GABRG1: variants seen among roughly 807,000 people sequenced by gnomAD.
The protein encoded by GABRG1 is gamma-aminobutyric acid type A receptor subunit gamma1.
A neutral mutation model predicts 49.8 loss-of-function variants in GABRG1; 49 were observed. That is an observed-to-expected ratio of 0.98 (90% confidence interval 0.78 to 1.25). The LOEUF (loss-of-function observed/expected upper bound fraction) is 1.25, where lower values mean the gene tolerates loss of function less well. Ranked by LOEUF, GABRG1 falls within the 50% of genes most tolerant of loss-of-function variation. The pLI is 0.00. For synonymous variants in GABRG1, 232 were observed against 185.1 expected (o/e 1.25, Z -2.06); for missense variants, 552 against 552.3 (o/e 1.00, Z 0.01).
At chr4:46,105,287 G>GAAAAAGAA (rs1447541757) in intron 1 of GABRG1, among the ~76,000 whole-genome samples, 1 of 150,910 alleles carries the variant, frequency 6.6e-6, no homozygotes, top group African/African-American at 2.4e-5. Flanking sequence ...AAATTAAAGT[G>GAAAAAGAA]AAAAAGAAAA....
intron 2 of GABRG1, among the ~76,000 whole-genome samples, chr4:46,092,885 C>T (rs1278376047): frequency 6.6e-6 from 1 of 151,760 alleles, no homozygotes; most frequent in East Asian, 2.0e-4. Flanking sequence ...GCCTGACCAA[C>T]ATGGAGAAAC....
chr4:46,068,871 A>G (rs1288916518), intron 3 of GABRG1, among the ~76,000 whole-genome samples: 1 of 152,134 alleles, frequency 6.6e-6, no homozygotes, highest in Non-Finnish European at 1.5e-5. Flanking sequence ...GAACGAAAAT[A>G]CAAGAGTTTC....
At chr4:46,092,860 GAGACCAGC>G (rs60002597) in intron 2 of GABRG1, among the ~76,000 whole-genome samples, 15,936 of 151,694 alleles carry the variant, frequency 0.11, 1,899 homozygotes, top group African/African-American at 0.29. Context: ...TCAGGAGTTT[GAGACCAGC>G]AGACCAGCCT....
chr4:46,118,897 C>A (rs1721013766), intron 1 of GABRG1, among the ~76,000 whole-genome samples: 1 of 151,254 alleles, frequency 6.6e-6, no homozygotes, highest in African/African-American at 2.4e-5. Flanking sequence ...ATAAGCTATC[C>A]ATTACCATGT....
chr4:46,070,632 G>A (rs1719082598), intron 3 of GABRG1, among the ~76,000 whole-genome samples: 1 of 152,018 alleles, frequency 6.6e-6, no homozygotes, highest in Non-Finnish European at 1.5e-5. Context: ...TGACTGATAG[G>A]TAGAGGGATA....
At chr4:46,069,840 T>C (rs962404019) in intron 3 of GABRG1, among the ~76,000 whole-genome samples, 1 of 151,992 alleles carries the variant, frequency 6.6e-6, no homozygotes, top group Non-Finnish European at 1.5e-5. Flanking sequence ...AGAAGGGGTA[T>C]AAAGAGAAAT....
intron 1 of GABRG1, among the ~76,000 whole-genome samples, chr4:46,119,890 C>G (rs964779809): frequency 2.6e-5 from 4 of 151,722 alleles, no homozygotes; most frequent in Non-Finnish European, 4.4e-5. Flanking sequence ...TTTCACTCTA[C>G]TGCACTTAAA....
intron 3 of GABRG1, among the ~76,000 whole-genome samples, chr4:46,073,289 T>A (rs2109415061): frequency 6.6e-6 from 1 of 152,118 alleles, no homozygotes; most frequent in South Asian, 2.1e-4. Context: ...TTTTTCCTGC[T>A]TTTCCCTCAT....
chr4:46,042,043 A>T (rs1717806720), intron 8 of GABRG1, among the ~76,000 whole-genome samples: 2 of 152,056 alleles, frequency 1.3e-5, no homozygotes, highest in South Asian at 4.1e-4. Flanking sequence ...AAGTGAAAGT[A>T]TTATTCTTTG....
chr4:46,056,151 TAAAAAAAAA>T (rs1182116080), intron 7 of GABRG1, among the ~76,000 whole-genome samples: 3 of 9,146 alleles, frequency 3.3e-4, no homozygotes, highest in South Asian at 3.4e-3. Context: ...ATAAATAAAT[TAAAAAAAAA>T]AAAAAAAAAA....
chr4:46,091,462 G>A (rs191934654), intron 2 of GABRG1, among the ~76,000 whole-genome samples: 1 of 151,820 alleles, frequency 6.6e-6, no homozygotes, highest in Non-Finnish European at 1.5e-5. Context: ...ATTTTAAAAA[G>A]TTACTCAAGT....
At chr4:46,122,753 C>A (rs966980292) in intron 1 of GABRG1, among the ~76,000 whole-genome samples, 25 of 152,146 alleles carry the variant, frequency 1.6e-4, no homozygotes, top group African/African-American at 5.8e-4. Context: ...GTTATAAAGG[C>A]ATGTTTCTAT....
At chr4:46,119,775 A>C (rs1457848106) in intron 1 of GABRG1, among the ~76,000 whole-genome samples, 1 of 151,470 alleles carries the variant, frequency 6.6e-6, no homozygotes, top group African/African-American at 2.4e-5. Context: ...TTTTTATTTA[A>C]TTAGTGTCAT....
intron 3 of GABRG1, among the ~76,000 whole-genome samples, chr4:46,076,439 A>T (rs1719335829): frequency 7.5e-6 from 1 of 132,808 alleles, no homozygotes; most frequent in Non-Finnish European, 1.6e-5. Flanking sequence ...GTATGGTTGG[A>T]TGTGTGTTTT....
At chr4:46,069,868 T>G (rs1403417964) in intron 3 of GABRG1, among the ~76,000 whole-genome samples, 1 of 152,042 alleles carries the variant, frequency 6.6e-6, no homozygotes, top group Non-Finnish European at 1.5e-5. Context: ...GTAGAGATTA[T>G]TTTTAGTTAG....
chr4:46,085,403 C>A (rs907225475), intron 2 of GABRG1, among the ~76,000 whole-genome samples: 2 of 151,456 alleles, frequency 1.3e-5, no homozygotes, highest in African/African-American at 4.8e-5. Context: ...AGAGCAATTG[C>A]ACCCAGAATG....
chr4:46,051,433 A>AT lies in GABRG1; in HGVS notation c.1121dup (p.Asn374LysfsTer2). 1 of 1,602,678 alleles carries AT rather than the reference A, an allele frequency of 6.2e-7. No individual in the cohort carries two copies. The highest frequency in any genetic ancestry group is 1.1e-5 in the South Asian group (1 of 89,532). The stretch of plus-strand genomic sequence containing the variant: ...TTTCTTTTTAACATACCGAGGCTTT[A>AT]TTTTTTAGCTTTCTGTCTTTAGTAG... On this transcript the variant is annotated frameshift_variant, in exon 8 of 9. Transcript: ENST00000295452. LOFTEE classifies it high-confidence loss of function.
intron 1 of GABRG1, among the ~76,000 whole-genome samples, chr4:46,116,424 T>C (rs997263854): frequency 3.3e-5 from 5 of 150,816 alleles, no homozygotes; most frequent in Admixed American, 2.0e-4. Context: ...TCACACTCTC[T>C]GAGACTTTGG....
chr4:46,089,805 A>C (rs1281545745), intron 2 of GABRG1, among the ~76,000 whole-genome samples: 1 of 151,942 alleles, frequency 6.6e-6, no homozygotes, highest in African/African-American at 2.4e-5. Context: ...TCTACAAAAA[A>C]TACAGCAATT....
Sources: allele counts gnomAD v4.1 joint callset (sites outside exome capture counted in the v4.1 genomes callset), GRCh38; gene constraint gnomAD v4.1.1; transcripts MANE v1.5; gene names NCBI Gene and HGNC (gene_info 2026-07-23, HGNC 2026-07-21).